The following TSHZ3 variants were observed in gnomAD, a reference collection of about 807,000 sequenced individuals.
The protein encoded by TSHZ3 is teashirt homolog 3.
In TSHZ3, 10 loss-of-function variants were observed where a neutral mutation model predicts 64.5. The ratio of observed to expected loss-of-function variants is 0.16; its 90% CI spans 0.10 to 0.26. The LOEUF is 0.26. Among genes scored for constraint, TSHZ3 ranks in the 10% least tolerant of loss-of-function variants. TSHZ3 has a pLI of 1.00. For synonymous variants in TSHZ3, 608 were observed against 593.1 expected (o/e 1.03, Z -0.36); for missense variants, 1,242 against 1,421.7 (o/e 0.87, Z 2.03).
At chr19:31,347,298 T>C (rs1000179575) in intron 1 of TSHZ3, among the ~76,000 whole-genome samples, 1 of 152,106 alleles carries the variant, frequency 6.6e-6, no homozygotes, top group African/African-American at 2.4e-5. Flanking sequence ...CTCTGATATT[T>C]TTCTGGAGGA....
Position 31,279,023 on chromosome 19 carries a change from G to C in TSHZ3, c.770C>G (p.Pro257Arg). The change falls in exon 2 of 2, where the codon CCT becomes CGT. Residue 257 changes from proline to arginine, a missense_variant. Physicochemically the swap from Pro to Arg is moderately radical, Grantham distance 103. Coordinates refer to ENST00000240587, the MANE Select transcript of TSHZ3 (RefSeq NM_020856.4). The surrounding 1 kb of genome is among the most constrained non-coding windows in gnomAD (Gnocchi z 6.4). The part of the protein sequence containing the change: ...DNNNPKRWSK[P>R]RKRSLLEMEG... ...CATTTCCAGCAAGGAGCGTTTGCGA[G>C]GCTTGGACCAGCGCTTGGGGTTGTT... The C allele has an allele frequency of 6.2e-7, 1 of 1,613,968 alleles. No homozygotes were observed. Among genetic ancestry groups the C allele is most frequent in the Non-Finnish European group, 8.5e-7 (1 of 1,179,846 alleles).
intron 3 of TSHZ3, among the ~76,000 whole-genome samples, chr19:31,228,435 A>G (rs1235763052): frequency 1.3e-5 from 2 of 150,306 alleles, no homozygotes; most frequent in Non-Finnish European, 3.0e-5. Flanking sequence ...CTGAGGGGGG[A>G]GGATCACATG....
chr19:31,282,063 G>C (rs970371703), intron 1 of TSHZ3, among the ~76,000 whole-genome samples: 2 of 152,202 alleles, frequency 1.3e-5, no homozygotes, highest in Non-Finnish European at 2.9e-5. Flanking sequence ...TCCTCTCGGG[G>C]AACAGCTGGA....
intron 1 of TSHZ3, among the ~76,000 whole-genome samples, chr19:31,327,961 A>G (rs1395881772): frequency 6.6e-6 from 1 of 152,242 alleles, no homozygotes; most frequent in Non-Finnish European, 1.5e-5. Context: ...TCAGATCACT[A>G]AGGCATTTGA....
At position 31,278,482 on chromosome 19, in the gene TSHZ3, C is replaced by T; in HGVS notation, c.1311G>A (p.Leu437=). ...GCACGGACTGGACCTTCTCATCCAG[C>T]AGGGTTGTGATGGTAGGTGTGACAG... is the stretch of plus-strand genomic sequence containing the variant. ...ETPVTPTITT[L]LDEKVQSVPL... is the part of the protein sequence containing the mutation. The change falls in exon 2 of 2, where the codon CTG becomes CTA. Residue 437 remains leucine (L), a synonymous_variant. Transcript: ENST00000240587. The surrounding 1 kb of genome is among the most constrained non-coding windows in gnomAD (Gnocchi z 4.7). The T allele has an allele frequency of 6.2e-7, 1 of 1,614,108 alleles. No individual in the cohort carries two copies. Among genetic ancestry groups the T allele is most frequent in the Non-Finnish European group, 8.5e-7 (1 of 1,180,028 alleles).
Position 31,278,463 on chromosome 19 carries a change from A to G in TSHZ3, c.1330T>C (p.Ser444Pro). Residue 444 changes from serine (S) to proline (P), a missense_variant, in exon 2 of 2, where the codon TCC becomes CCC. Transcript: ENST00000240587. This position sits in a 1 kb window ranked among gnomAD's most constrained non-coding sequence, Gnocchi z 4.7. The part of the protein sequence containing the change: ...ITTLLDEKVQ[S>P]VPLAATTFTS... ...AAGGTGGTGGCTGCCAGGGGCACGGACTGGACCTTCTCATCCAGCAGGGTT... is the reference window on the plus strand; with the variant it reads ...AAGGTGGTGGCTGCCAGGGGCACGGGCTGGACCTTCTCATCCAGCAGGGTT... 6.2e-7 allele frequency: 1 copy of G among 1,614,150 alleles called. No individual in the cohort carries two copies. Among genetic ancestry groups the G allele is most frequent in the Non-Finnish European group, 8.5e-7 (1 of 1,180,028 alleles).
At chr19:31,326,696 TG>T (rs1343756072) in intron 1 of TSHZ3, among the ~76,000 whole-genome samples, 1 of 152,228 alleles carries the variant, frequency 6.6e-6, no homozygotes, top group African/African-American at 2.4e-5. Flanking sequence ...AGTAAGCAGC[TG>T]CAAAAGACAG....
At chr19:31,159,544 A>G (rs1436998484) in intron 5 of TSHZ3, among the ~76,000 whole-genome samples, 2 of 152,226 alleles carry the variant, frequency 1.3e-5, no homozygotes, top group South Asian at 2.1e-4. Flanking sequence ...TGTGGCTATA[A>G]GAAAATGTAA....
chr19:31,196,510 C>T (rs536003073), intron 5 of TSHZ3, among the ~76,000 whole-genome samples: 2 of 151,954 alleles, frequency 1.3e-5, no homozygotes, highest in East Asian at 1.9e-4. Flanking sequence ...TTAAAATATT[C>T]TCATTAAAAC....
intron 1 of TSHZ3, 170 bp downstream of exon 1, chr19:31,349,010 G>T: frequency 1.3e-6 from 1 of 798,460 alleles, no homozygotes; most frequent in Admixed American, 3.5e-5. Context: ...GCGTCCGGGG[G>T]GCGCCCGGTA....
Position 31,275,425 on chromosome 19 carries a change from AGTTCTTTTTTTTTTTTT to A in TSHZ3, c.*1105_*1121del, listed in dbSNP as rs1290095657. 5 of 143,988 alleles carry A rather than the reference AGTTCTTTTTTTTTTTTT, an allele frequency of 3.5e-5. No homozygotes were observed. The highest frequency in any genetic ancestry group is 6.2e-5 in the Non-Finnish European group (4 of 64,466). 8.9% of individuals were successfully genotyped at this position (143,988 alleles called of 1,614,324 possible). ...ATCAATGTTTAGGAAATACAGTACAAGTTCTTTTTTTTTTTTTGTTCTTTTTTTTAACCTTTTCAAAT... is the reference window on the plus strand; with the variant it reads ...ATCAATGTTTAGGAAATACAGTACAAGTTCTTTTTTTTAACCTTTTCAAAT... On this transcript the variant is annotated 3_prime_UTR_variant, in exon 2 of 2. Coordinates refer to ENST00000240587, the MANE Select transcript of TSHZ3 (RefSeq NM_020856.4).
chr19:31,229,916 G>A (rs1393730958), intron 3 of TSHZ3, among the ~76,000 whole-genome samples: 1 of 152,128 alleles, frequency 6.6e-6, no homozygotes. Flanking sequence ...AGATTATGTA[G>A]AGCCTGGGAA....
intron 5 of TSHZ3, among the ~76,000 whole-genome samples, chr19:31,171,084 G>GA (rs1347780227): frequency 2.6e-5 from 4 of 152,118 alleles, no homozygotes; most frequent in Non-Finnish European, 5.9e-5. Context: ...CACTTGGTGG[G>GA]AAAAATGGTC....
intron 5 of TSHZ3, among the ~76,000 whole-genome samples, chr19:31,169,806 A>G (rs997143205): frequency 6.6e-6 from 1 of 152,112 alleles, no homozygotes; most frequent in Non-Finnish European, 1.5e-5. Context: ...GACAGAAGGA[A>G]TATCTGGGAT....
intron 5 of TSHZ3, among the ~76,000 whole-genome samples, chr19:31,166,083 T>G (rs951191013): frequency 2.6e-5 from 4 of 152,204 alleles, no homozygotes; most frequent in Non-Finnish European, 2.9e-5. Flanking sequence ...AGCAGCTTTT[T>G]TCTAATTCAG....
rs1976204504 is a variant in TSHZ3 at position 31,275,077 on chromosome 19, A to G, written c.*1470T>C. ...CGGTGTCTGTGCTGTTTACATGCCA[A>G]TATTTTATACAAAGGTTCTCATATG... is the stretch of plus-strand genomic sequence containing the variant. On this transcript the variant is annotated 3_prime_UTR_variant, in exon 2 of 2. Transcript: ENST00000240587. The G allele has an allele frequency of 6.6e-6, 1 of 152,614 alleles. No homozygotes were observed. Among genetic ancestry groups the G allele is most frequent in the South Asian group, 2.1e-4 (1 of 4,820 alleles). The allele number at this position is 152,614 out of a possible 1,614,324, so 9.5% of individuals were successfully genotyped here. A position where few individuals can be genotyped will look rare whatever the true frequency, so the allele number is the denominator to read the frequency against.
chr19:31,337,918 A>G (rs1438617196), intron 1 of TSHZ3, among the ~76,000 whole-genome samples: 2 of 152,262 alleles, frequency 1.3e-5, no homozygotes, highest in African/African-American at 2.4e-5. Flanking sequence ...TTAGGTAGAA[A>G]AACTCTTCCG....
chr19:31,222,140 T>C (rs1975401565), intron 4 of TSHZ3, among the ~76,000 whole-genome samples: 1 of 152,228 alleles, frequency 6.6e-6, no homozygotes, highest in Non-Finnish European at 1.5e-5. Context: ...TGAATTTTCT[T>C]CATCTATAGC....
upstream of TSHZ3, among the ~76,000 whole-genome samples, chr19:31,350,453 C>T (rs969414900): frequency 6.6e-6 from 1 of 151,164 alleles, no homozygotes; most frequent in Non-Finnish European, 1.5e-5. Flanking sequence ...CCCCCATCCA[C>T]GGCGCGGGCC....
Sources: gnomAD v4.1 joint callset for allele counts (sites outside exome capture counted in the v4.1 genomes callset) on GRCh38, gnomAD v4.1.1 for gene constraint, Gnocchi (gnomAD v3.1) non-coding constraint, MANE v1.5 for transcripts, NCBI Gene and HGNC (gene_info 2026-07-23, HGNC 2026-07-21) for gene names.